The following NEGR1 variants were observed in gnomAD, a reference collection of about 807,000 sequenced individuals.
NEGR1 encodes the protein neuronal growth regulator 1.
Under a neutral mutation model 40.9 loss-of-function variants are expected in NEGR1, and 10 were observed. The ratio of observed to expected loss-of-function variants is 0.24; its 90% confidence interval spans 0.15 to 0.42. The LOEUF (loss-of-function observed/expected upper bound fraction) is 0.42. Ranked by LOEUF, NEGR1 falls within the 10% of genes least tolerant of loss-of-function variation. The pLI, the probability that NEGR1 is intolerant of heterozygous loss-of-function variation, is 1.00. For synonymous variants in NEGR1, 185 were observed against 166.8 expected, an observed-to-expected ratio of 1.11 and a Z score of -0.84; for missense variants, 352 against 438.9, an observed-to-expected ratio of 0.80 and a Z score of 1.77.
chr1:71,975,237 G>A (rs992295957), intron 1 of NEGR1, among the ~76,000 whole-genome samples: 3 of 152,138 alleles, frequency 2.0e-5, no homozygotes, highest in African/African-American at 7.2e-5. Flanking sequence ...GTAGGTGGGG[G>A]AGGCAGGTGG....
chr1:71,951,860 T>C (rs1219753905), intron 1 of NEGR1, among the ~76,000 whole-genome samples: 4 of 151,988 alleles, frequency 2.6e-5, no homozygotes, highest in African/African-American at 9.7e-5. Context: ...AAATTTTTCA[T>C]TATTATTATA....
At chr1:71,592,220 CTTT>C (rs1649525655) in intron 6 of NEGR1, among the ~76,000 whole-genome samples, 2 of 151,976 alleles carry the variant, frequency 1.3e-5, no homozygotes, top group Non-Finnish European at 2.9e-5. Context: ...GTTTGTGCTT[CTTT>C]ATTAATTTTT....
intron 6 of NEGR1, among the ~76,000 whole-genome samples, chr1:71,445,292 C>T (rs1236639361): frequency 2.0e-5 from 3 of 148,168 alleles, no homozygotes; most frequent in South Asian, 4.3e-4. Context: ...AGAACACAAG[C>T]TCAATGCTTT....
chr1:71,522,034 C>T (rs954845542), intron 6 of NEGR1, among the ~76,000 whole-genome samples: 3 of 151,848 alleles, frequency 2.0e-5, no homozygotes, highest in Non-Finnish European at 2.9e-5. Flanking sequence ...CCTTTGAAAG[C>T]CACAAAGGCA....
At chr1:71,751,973 G>A (rs1655584944) in intron 3 of NEGR1, among the ~76,000 whole-genome samples, 1 of 152,120 alleles carries the variant, frequency 6.6e-6, no homozygotes, top group South Asian at 2.1e-4. Flanking sequence ...CTGGGTCATT[G>A]GTTAACTGGA....
chr1:71,864,108 G>T (rs1477528409), intron 2 of NEGR1, among the ~76,000 whole-genome samples: 1 of 152,098 alleles, frequency 6.6e-6, no homozygotes, highest in East Asian at 1.9e-4. Context: ...GAGATGATGG[G>T]AAGTACTCAT....
chr1:71,488,734 A>G (rs577831982), intron 6 of NEGR1, among the ~76,000 whole-genome samples: 66 of 151,764 alleles, frequency 4.3e-4, no homozygotes, highest in African/African-American at 1.5e-3. Flanking sequence ...CCTGACTTCA[A>G]ACACTGTTCA....
intron 1 of NEGR1, among the ~76,000 whole-genome samples, chr1:72,155,598 T>G (rs1021351500): frequency 3.1e-4 from 47 of 152,084 alleles, no homozygotes; most frequent in African/African-American, 1.1e-3. Flanking sequence ...CATTGTCCTA[T>G]GATATAAAAT....
intron 1 of NEGR1, among the ~76,000 whole-genome samples, chr1:72,123,646 T>G (rs2630403): frequency 0.99 from 150,691 of 151,914 alleles, 74,757 homozygotes; most frequent in Middle Eastern, 1. Flanking sequence ...GGAGGACATG[T>G]CATAGGTAAA....
At chr1:72,189,680 A>G (rs1652746451) in intron 1 of NEGR1, among the ~76,000 whole-genome samples, 1 of 151,612 alleles carries the variant, frequency 6.6e-6, no homozygotes, top group South Asian at 2.1e-4. Flanking sequence ...CCCCTGCATA[A>G]GAAGATAGAG....
intron 2 of NEGR1, among the ~76,000 whole-genome samples, chr1:71,795,272 C>T (rs1570356814): frequency 1.3e-5 from 2 of 151,840 alleles, no homozygotes; most frequent in African/African-American, 2.4e-5. Flanking sequence ...TCCTGAATCA[C>T]CTGGGAGCTT....
intron 3 of NEGR1, among the ~76,000 whole-genome samples, chr1:71,740,725 T>C (rs1655187627): frequency 1.3e-5 from 2 of 152,198 alleles, no homozygotes; most frequent in Admixed American, 6.5e-5. Context: ...TTAATGAAAT[T>C]AAATAAATTA....
intron 4 of NEGR1, among the ~76,000 whole-genome samples, chr1:71,668,093 T>A (rs1652300032): frequency 2.0e-5 from 3 of 152,196 alleles, no homozygotes; most frequent in Non-Finnish European, 2.9e-5. Flanking sequence ...GAACTAACAG[T>A]TGAAACCATT....
At chr1:71,924,438 G>C (rs1286864487) in intron 2 of NEGR1, among the ~76,000 whole-genome samples, 1 of 152,154 alleles carries the variant, frequency 6.6e-6, no homozygotes, top group African/African-American at 2.4e-5. Flanking sequence ...TAAGCAGAGT[G>C]AATAACAACA....
chr1:71,923,915 T>C (rs1163166324), intron 2 of NEGR1, among the ~76,000 whole-genome samples: 4 of 152,072 alleles, frequency 2.6e-5, no homozygotes, highest in African/African-American at 9.7e-5. Flanking sequence ...TTCTTTTTTT[T>C]TTTCTTTTTT....
At chr1:71,474,911 C>T (rs1205954487) in intron 6 of NEGR1, among the ~76,000 whole-genome samples, 3 of 151,916 alleles carry the variant, frequency 2.0e-5, no homozygotes, top group Non-Finnish European at 1.5e-5. Flanking sequence ...ATAGCTTCCA[C>T]ATTAACAGAG....
rs1303974876 is a variant in NEGR1 at position 71,756,418 on chromosome 1, AAAAAAC to A, written c.535+19748_535+19753del. On this transcript the variant is annotated intron_variant, in intron 3 of 6. Coordinates refer to ENST00000357731, the MANE Select transcript of NEGR1 (RefSeq NM_173808.3). ...ACAAAAAACAAAAACAAACAAAAAA[AAAAAAC>A]CAAAAAAAACCACATCAGGCCTCTA... Among the ~76,000 whole-genome samples the A allele has an allele frequency of 2.2e-4, 34 of 151,506 alleles. 1 individual carries two copies. Among genetic ancestry groups the A allele is most frequent in the South Asian group, 4.2e-4 (2 of 4,810 alleles).
chr1:72,248,368 C>T (rs540570469), intron 1 of NEGR1, among the ~76,000 whole-genome samples: 1 of 152,088 alleles, frequency 6.6e-6, no homozygotes, highest in Admixed American at 6.5e-5. Context: ...AGCAATTCTC[C>T]TCCCTCAGCC....
intron 1 of NEGR1, among the ~76,000 whole-genome samples, chr1:72,148,798 C>T (rs147843110): frequency 4.5e-4 from 69 of 152,292 alleles, no homozygotes; most frequent in Non-Finnish European, 7.1e-4. Flanking sequence ...AGTTCCTCAG[C>T]TCCATCTGAG....
Sources: allele counts gnomAD v4.1 joint callset (sites outside exome capture counted in the v4.1 genomes callset), GRCh38; gene constraint gnomAD v4.1.1; transcripts MANE v1.5; gene names NCBI Gene and HGNC (gene_info 2026-07-23, HGNC 2026-07-21).